Variants in ZNF264 observed in about 807,000 individuals in gnomAD.
ZNF264 encodes zinc finger protein 264.
A neutral mutation model predicts 11.2 loss-of-function variants in ZNF264; 11 were observed. The ratio of observed to expected loss-of-function variants is 0.98; its 90% CI spans 0.62 to 1.63. The LOEUF is 1.63. Ranked by LOEUF, ZNF264 falls within the 40% of genes most tolerant of loss-of-function variation. ZNF264 has a pLI of 0.00. For synonymous variants in ZNF264, 309 were observed against 279.8 expected, an observed-to-expected ratio of 1.10 and a Z score of -1.04; for missense variants, 752 against 768.1, an observed-to-expected ratio of 0.98 and a Z score of 0.25.
intron 3 of ZNF264, among the ~76,000 whole-genome samples, chr19:57,207,789 C>A (rs1453670817): frequency 6.6e-6 from 1 of 151,290 alleles, no homozygotes; most frequent in African/African-American, 2.4e-5. Context: ...TACAATGGCG[C>A]AATCTCGGCT....
intron 1 of ZNF264, chr19:57,192,201 TG>T: frequency 2.3e-6 from 1 of 433,940 alleles, no homozygotes; most frequent in Non-Finnish European, 3.1e-6. Flanking sequence ...AAGCATTCTC[TG>T]GTGGACCAGG....
intron 2 of ZNF264, among the ~76,000 whole-genome samples, chr19:57,199,136 G>A (rs1474195971): frequency 1.3e-5 from 2 of 151,910 alleles, no homozygotes; most frequent in African/African-American, 4.9e-5. Flanking sequence ...CATTATGATA[G>A]CTATGCCTAC....
At chr19:57,206,656 A>C (rs1018961197) in intron 3 of ZNF264, among the ~76,000 whole-genome samples, 1 of 152,080 alleles carries the variant, frequency 6.6e-6, no homozygotes, top group Non-Finnish European at 1.5e-5. Context: ...TATTAACCTT[A>C]AAGAGTGATG....
chr19:57,195,495 TC>T (rs1357260652), intron 2 of ZNF264, among the ~76,000 whole-genome samples: 1 of 152,200 alleles, frequency 6.6e-6, no homozygotes, highest in Non-Finnish European at 1.5e-5. Flanking sequence ...CCTCAGCAGG[TC>T]ATGGTTTTTT....
At position 57,219,916 on chromosome 19, in the gene ZNF264, C is replaced by A. The variant is rs1320319749; in HGVS notation, c.*6935C>A. ...CCATGGCCCTGGCCGTGGGGATGCA[C>A]CCATAATTATAATGAGAGCAGGTGA... On this transcript the variant is annotated 3_prime_UTR_variant, in exon 4 of 4. Transcript: ENST00000263095. 6.6e-6 allele frequency: 1 copy of A among 152,234 alleles called. No homozygotes were observed. Among genetic ancestry groups the A allele is most frequent in the Non-Finnish European group, 1.5e-5 (1 of 68,048 alleles). 9.4% of individuals were successfully genotyped at this position (152,234 alleles called of 1,614,324 possible). A position where few individuals can be genotyped will look rare whatever the true frequency, so the allele number is the denominator to read the frequency against.
intron 3 of ZNF264, among the ~76,000 whole-genome samples, chr19:57,208,585 A>T (rs901512741): frequency 6.6e-6 from 1 of 152,200 alleles, no homozygotes; most frequent in African/African-American, 2.4e-5. Context: ...ACCATGAACC[A>T]GAGGCAAAAA....
chr19:57,197,637 C>G (rs1334076656), intron 2 of ZNF264, among the ~76,000 whole-genome samples: 4 of 151,940 alleles, frequency 2.6e-5, no homozygotes, highest in South Asian at 2.1e-4. Context: ...AACTGGCAGC[C>G]ATTTGGGTCA....
intron 3 of ZNF264, among the ~76,000 whole-genome samples, chr19:57,210,422 G>T (rs556068871): frequency 6.6e-6 from 1 of 152,162 alleles, no homozygotes; most frequent in Non-Finnish European, 1.5e-5. Flanking sequence ...ACCTGTTTTA[G>T]TTACAGTCAT....
intron 2 of ZNF264, among the ~76,000 whole-genome samples, chr19:57,198,981 C>G (rs1011473269): frequency 3.3e-5 from 5 of 152,014 alleles, no homozygotes; most frequent in African/African-American, 1.2e-4. Flanking sequence ...TCCATTCGAC[C>G]TGGAAGTTTT....
intron 3 of ZNF264, among the ~76,000 whole-genome samples, chr19:57,207,067 C>A (rs992613012): frequency 1.4e-5 from 2 of 146,208 alleles, no homozygotes; most frequent in Non-Finnish European, 3.0e-5. Context: ...GCCACATCTG[C>A]ACTTGAAAAT....
intron 3 of ZNF264, 108 bp from the exon 4 acceptor site, chr19:57,211,246 A>C (rs748772869): frequency 1.9e-4 from 218 of 1,132,218 alleles, no homozygotes; most frequent in Non-Finnish European, 2.3e-4. Context: ...AGAAAATAGC[A>C]ACACAGAGGC....
chr19:57,216,877 ATAATT>A lies in ZNF264; in HGVS notation c.*3898_*3902del, dbSNP rs1028795755. Reference sequence around the variant, plus strand: ...GGTTACTTCACCTTTTTTTTTTTTAATAATTTGATTTGATACATATGTAGTGTTTT... The same window carrying A: ...GGTTACTTCACCTTTTTTTTTTTTAATGATTTGATACATATGTAGTGTTTT... On this transcript the variant is annotated 3_prime_UTR_variant, in exon 4 of 4. Coordinates refer to ENST00000263095, the MANE Select transcript of ZNF264 (RefSeq NM_003417.5). The A allele has an allele frequency of 8.2e-5, 12 of 146,738 alleles. No homozygotes were observed. The highest frequency in any genetic ancestry group is 2.8e-4 in the African/African-American group (11 of 39,658). The allele number at this position is 146,738 out of a possible 1,614,324, so 9.1% of individuals were successfully genotyped here. A position where few individuals can be genotyped will look rare whatever the true frequency, so the allele number is the denominator to read the frequency against.
At chr19:57,207,883 C>T (rs998934269) in intron 3 of ZNF264, among the ~76,000 whole-genome samples, 2 of 152,122 alleles carry the variant, frequency 1.3e-5, no homozygotes, top group African/African-American at 4.8e-5. Context: ...CATGCCACCA[C>T]GCCCGGCTTT....
intron 2 of ZNF264, among the ~76,000 whole-genome samples, chr19:57,205,113 G>T (rs2087282051): frequency 6.6e-6 from 1 of 151,988 alleles, no homozygotes; most frequent in South Asian, 2.1e-4. Flanking sequence ...TTAGATCAAT[G>T]AAATCACATA....
intron 3 of ZNF264, among the ~76,000 whole-genome samples, chr19:57,209,686 C>G (rs2087319742): frequency 6.6e-6 from 1 of 152,116 alleles, no homozygotes; most frequent in Non-Finnish European, 1.5e-5. Flanking sequence ...AAGCAATCCT[C>G]CCATGTCAGC....
intron 2 of ZNF264, among the ~76,000 whole-genome samples, chr19:57,201,688 G>A (rs1034605608): frequency 2.6e-5 from 4 of 151,870 alleles, no homozygotes; most frequent in Admixed American, 6.6e-5. Flanking sequence ...CTAGACTGTG[G>A]CATCTTTAAA....
In ZNF264 at chr19:57,215,408, TGA is replaced by T. The variant is rs2087372941; in HGVS notation, c.*2429_*2430del. 1.3e-5 allele frequency: 2 copies of T among 152,204 alleles called. No homozygotes were observed. The highest frequency in any genetic ancestry group is 2.9e-5 in the Non-Finnish European group (2 of 68,034). 9.4% of individuals were successfully genotyped at this position (152,204 alleles called of 1,614,324 possible). ...AAAATGTGCATACTCATTTTATGAT[TGA>T]GTCTTCTTAGACATTTATCAGTTTT... On this transcript the variant is annotated 3_prime_UTR_variant, in exon 4 of 4. Coordinates refer to ENST00000263095, the MANE Select transcript of ZNF264 (RefSeq NM_003417.5).
chr19:57,209,978 A>G (rs747958582), intron 3 of ZNF264, among the ~76,000 whole-genome samples: 1 of 152,082 alleles, frequency 6.6e-6, no homozygotes, highest in Non-Finnish European at 1.5e-5. Context: ...CCTCAGGCAT[A>G]CAAGACTCAT....
At chr19:57,194,662 T>C in intron 2 of ZNF264, 2 of 389,308 alleles carry the variant, frequency 5.1e-6, no homozygotes, top group Non-Finnish European at 9.1e-6. Context: ...TTCTGCCTAC[T>C]TTATATGCTG....
Sources: gnomAD v4.1 joint callset for allele counts (sites outside exome capture counted in the v4.1 genomes callset) on GRCh38, gnomAD v4.1.1 for gene constraint, MANE v1.5 for transcripts, NCBI Gene and HGNC (gene_info 2026-07-23, HGNC 2026-07-21) for gene names.